Variants in ADAMTSL1 observed in about 807,000 individuals in gnomAD.
ADAMTSL1 encodes ADAMTS-like protein 1.
In ADAMTSL1, 126 loss-of-function variants were observed where a neutral mutation model predicts 201.8. The observed-to-expected ratio is 0.62, with a 90% confidence interval of 0.54 to 0.72. The LOEUF (loss-of-function observed/expected upper bound fraction) is 0.72, where lower values mean the gene tolerates loss of function less well. Among genes scored for constraint, ADAMTSL1 ranks in the 30% least tolerant of loss-of-function variants. The pLI is 0.00. For synonymous variants in ADAMTSL1, 1,121 were observed against 903.4 expected (o/e 1.24, Z -4.32); for missense variants, 2,679 against 2,277.8 (o/e 1.18, Z -3.59).
intron 1 of ADAMTSL1, among the ~76,000 whole-genome samples, chr9:17,969,436 G>C (rs543051747): frequency 2.0e-4 from 30 of 152,144 alleles, no homozygotes; most frequent in African/African-American, 6.7e-4. Context: ...TCTGGTGTCA[G>C]ACACATCATT....
At chr9:18,395,449 C>T (rs755936783) in intron 2 of ADAMTSL1, among the ~76,000 whole-genome samples, 2 of 152,146 alleles carry the variant, frequency 1.3e-5, no homozygotes, top group Non-Finnish European at 2.9e-5. Flanking sequence ...TAAATGGGAT[C>T]ATTTAGAGAC....
intron 2 of ADAMTSL1, among the ~76,000 whole-genome samples, chr9:18,288,277 C>G: frequency 6.6e-6 from 1 of 152,054 alleles, no homozygotes; most frequent in African/African-American, 2.4e-5. Context: ...CTCCGGCAGT[C>G]AAAGCAGTTA....
intron 1 of ADAMTSL1, among the ~76,000 whole-genome samples, chr9:17,920,571 C>T (rs1659278708): frequency 6.6e-6 from 1 of 152,118 alleles, no homozygotes; most frequent in African/African-American, 2.4e-5. Context: ...GTGGCATCAC[C>T]GCGTTCTCTT....
At chr9:18,360,307 C>T (rs1481670187) in intron 2 of ADAMTSL1, among the ~76,000 whole-genome samples, 1 of 152,104 alleles carries the variant, frequency 6.6e-6, no homozygotes, top group Non-Finnish European at 1.5e-5. Context: ...TACACAAAAA[C>T]ATGTTGAAGG....
At chr9:18,305,517 G>T (rs567978151) in intron 2 of ADAMTSL1, among the ~76,000 whole-genome samples, 10 of 152,280 alleles carry the variant, frequency 6.6e-5, no homozygotes, top group African/African-American at 2.4e-4. Flanking sequence ...CAAGCTTGGT[G>T]GGGGGAGGGG....
At chr9:18,528,474 T>A (rs192627786) in intron 2 of ADAMTSL1, among the ~76,000 whole-genome samples, 1 of 152,274 alleles carries the variant, frequency 6.6e-6, no homozygotes, top group East Asian at 1.9e-4. Flanking sequence ...TTTCTGTTCC[T>A]CCATTAGTTT....
At chr9:18,273,392 A>G (rs936787275) in intron 2 of ADAMTSL1, among the ~76,000 whole-genome samples, 1 of 152,190 alleles carries the variant, frequency 6.6e-6, no homozygotes, top group African/African-American at 2.4e-5. Context: ...CCTCACAGTC[A>G]TATTGACATC....
chr9:18,426,951 T>A (rs1159694479), intron 2 of ADAMTSL1, among the ~76,000 whole-genome samples: 1 of 152,222 alleles, frequency 6.6e-6, no homozygotes, highest in Non-Finnish European at 1.5e-5. Context: ...TTGGGAGGCT[T>A]GGAGAACTGT....
intron 1 of ADAMTSL1, among the ~76,000 whole-genome samples, chr9:18,067,541 A>G (rs566808561): frequency 6.6e-6 from 1 of 152,346 alleles, no homozygotes; most frequent in South Asian, 2.1e-4. Context: ...AATTTAGATT[A>G]CAAAACTTTC....
chr9:18,066,808 T>G lies in ADAMTSL1; in HGVS notation c.88-97054T>G, dbSNP rs142878758. Among the ~76,000 whole-genome samples, 1,096 of 152,268 alleles carry G rather than the reference T, an allele frequency of 7.2e-3. 12 individuals are homozygous for G. The highest frequency in any genetic ancestry group is 0.025 in the African/African-American group (1,034 of 41,550). On this transcript the variant is annotated intron_variant, in intron 1 of 29. Coordinates refer to the ADAMTSL1 transcript ENST00000680146. ...TACACCATGGAATACTATGCAGCCA[T>G]AAAAAATGATGAGTTCATGTCCTTT...
intron 2 of ADAMTSL1, among the ~76,000 whole-genome samples, chr9:18,267,391 C>G (rs180881949): frequency 1.2e-3 from 189 of 152,236 alleles, no homozygotes; most frequent in African/African-American, 4.4e-3. Context: ...GGACCTGACT[C>G]TTGCATGTGG....
At chr9:18,693,724 G>A (rs1295124824) in intron 13 of ADAMTSL1, among the ~76,000 whole-genome samples, 2 of 152,142 alleles carry the variant, frequency 1.3e-5, no homozygotes, top group Non-Finnish European at 2.9e-5. Flanking sequence ...CTGCTATTAT[G>A]TGAAGTTCTA....
At chr9:18,342,461 C>G (rs939833742) in intron 2 of ADAMTSL1, among the ~76,000 whole-genome samples, 12 of 152,100 alleles carry the variant, frequency 7.9e-5, no homozygotes, top group African/African-American at 2.7e-4. Flanking sequence ...GGAGGGTCCA[C>G]TCGTTTAGGA....
intron 2 of ADAMTSL1, among the ~76,000 whole-genome samples, chr9:18,239,928 C>CT (rs1472944872): frequency 6.6e-6 from 1 of 152,168 alleles, no homozygotes; most frequent in East Asian, 1.9e-4. Context: ...TTCTAGTTCT[C>CT]TTACTATTTT....
intron 1 of ADAMTSL1, among the ~76,000 whole-genome samples, chr9:18,119,420 C>G (rs572674740): frequency 6.6e-6 from 1 of 152,164 alleles, no homozygotes; most frequent in African/African-American, 2.4e-5. Flanking sequence ...CCTGCCTCAG[C>G]TTCCCAAGTA....
At chr9:18,838,402 C>CACAAAA (rs754001590) in intron 23 of ADAMTSL1, among the ~76,000 whole-genome samples, 1 of 125,428 alleles carries the variant, frequency 8.0e-6, no homozygotes, top group Non-Finnish European at 1.6e-5. Context: ...CACACACACA[C>CACAAAA]GCAAAAACCT....
intron 25 of ADAMTSL1, among the ~76,000 whole-genome samples, chr9:18,891,483 C>A (rs1829270500): frequency 6.6e-6 from 1 of 152,194 alleles, no homozygotes; most frequent in Admixed American, 6.5e-5. Context: ...CAACAAGAAT[C>A]CCTGCCTGTT....
chr9:18,528,630 C>T (rs1819246658), intron 2 of ADAMTSL1, among the ~76,000 whole-genome samples: 1 of 152,224 alleles, frequency 6.6e-6, no homozygotes, highest in Non-Finnish European at 1.5e-5. Context: ...GGGTTGATTA[C>T]ATGTCTTTGC....
intron 2 of ADAMTSL1, among the ~76,000 whole-genome samples, chr9:18,287,892 C>T (rs891106085): frequency 6.6e-6 from 1 of 152,136 alleles, no homozygotes; most frequent in Non-Finnish European, 1.5e-5. Flanking sequence ...AAGTTTTTCT[C>T]CTACTCCCTG....
Sources: allele counts gnomAD v4.1 joint callset (sites outside exome capture counted in the v4.1 genomes callset), GRCh38; gene constraint gnomAD v4.1.1; transcripts MANE v1.5; gene names NCBI Gene and HGNC (gene_info 2026-07-23, HGNC 2026-07-21).